The following PAPPA2 variants were observed in gnomAD, a reference collection of about 807,000 sequenced individuals.
The protein encoded by PAPPA2 is pappalysin-2.
In PAPPA2, 86 loss-of-function variants were observed where a neutral mutation model predicts 176.4. That is an observed-to-expected ratio of 0.49 (90% CI 0.41 to 0.58). The LOEUF is 0.58. Ranked by LOEUF, PAPPA2 falls within the 20% of genes least tolerant of loss-of-function variation. PAPPA2 has a pLI of 0.00. For missense variants in PAPPA2, 2,073 were observed against 2,256.9 expected (o/e 0.92, Z 1.65); for synonymous variants, 809 against 852.2 (o/e 0.95, Z 0.88).
chr1:176,726,869 T>C (rs572325661), intron 12 of PAPPA2, among the ~76,000 whole-genome samples: 101 of 152,286 alleles, frequency 6.6e-4, no homozygotes, highest in Non-Finnish European at 1.0e-3. Context: ...AAAAAGGAAG[T>C]TGAGCAGCCT....
intron 2 of PAPPA2, among the ~76,000 whole-genome samples, chr1:176,558,655 C>A (rs1305739940): frequency 6.6e-6 from 1 of 152,094 alleles, no homozygotes; most frequent in East Asian, 1.9e-4. Flanking sequence ...AATCCTTATT[C>A]TGGGGCCAAA....
chr1:176,521,624 A>G (rs1168599685), intron 1 of PAPPA2, among the ~76,000 whole-genome samples: 2 of 152,184 alleles, frequency 1.3e-5, no homozygotes, highest in African/African-American at 2.4e-5. Flanking sequence ...TGGAATTCCC[A>G]TATTTTGGAG....
chr1:176,494,178 G>A (rs909400652), intron 1 of PAPPA2, among the ~76,000 whole-genome samples: 8 of 152,152 alleles, frequency 5.3e-5, no homozygotes, highest in African/African-American at 1.7e-4. Context: ...TCTAAGGTGG[G>A]GAGTGGAGTC....
intron 3 of PAPPA2, among the ~76,000 whole-genome samples, chr1:176,632,522 C>T (rs1462903850): frequency 6.6e-6 from 1 of 151,818 alleles, no homozygotes; most frequent in Non-Finnish European, 1.5e-5. Context: ...GAGAGAAACT[C>T]CGTCTCAAAA....
chr1:176,744,688 G>A (rs1315105497), intron 14 of PAPPA2, among the ~76,000 whole-genome samples: 1 of 152,162 alleles, frequency 6.6e-6, no homozygotes, highest in East Asian at 1.9e-4. Context: ...CAGGGGCCAG[G>A]AAATGAAGAA....
chr1:176,624,919 A>G (rs183906756), intron 3 of PAPPA2, among the ~76,000 whole-genome samples: 1 of 152,270 alleles, frequency 6.6e-6, no homozygotes, highest in East Asian at 1.9e-4. Flanking sequence ...GAGTGGATGT[A>G]TAAGTGGGTG....
Position 176,701,198 on chromosome 1 carries a change from C to T in PAPPA2, c.3237-1409C>T, listed in dbSNP as rs1042051513. ...AAAATCCAATTTTTCAACTGGATCT[C>T]ATTTTGGTCCTCTTGCTTCAGTTAA... On this transcript the variant is annotated intron_variant, in intron 8 of 22. Transcript: ENST00000367662. 1.1e-4 allele frequency among the ~76,000 whole-genome samples: 16 copies of T among 152,148 alleles called. 1 individual carries two copies. The highest frequency in any genetic ancestry group is 9.8e-4 in the Admixed American group (15 of 15,272).
intron 22 of PAPPA2, 22 bp from the exon 23 acceptor site, chr1:176,842,358 T>A (rs1192503345): frequency 6.2e-7 from 1 of 1,604,696 alleles, no homozygotes; most frequent in African/African-American, 1.3e-5. Flanking sequence ...GAGCTATTTC[T>A]ACTTCCCTTT....
chr1:176,552,139 G>A (rs1178378540), intron 1 of PAPPA2, among the ~76,000 whole-genome samples: 1 of 151,968 alleles, frequency 6.6e-6, no homozygotes, highest in African/African-American at 2.4e-5. Flanking sequence ...AATCATCATG[G>A]ATCTAACTGC....
Position 176,699,164 on chromosome 1 carries a change from G to A in PAPPA2, c.2811G>A (p.Leu937=). The part of the protein sequence containing the change: ...SLQAWSPEVH[L]YHMNMTVPCP... ...AGGCCTGGAGCCCTGAGGTCCACCT[G>A]TACCACATGAACATGACGGTCCCCT... Residue 937 remains leucine, a synonymous_variant, in exon 8 of 23, where the codon CTG becomes CTA. Coordinates refer to ENST00000367662, the MANE Select transcript of PAPPA2 (RefSeq NM_020318.3). 3 of 1,614,102 alleles carry A rather than the reference G, an allele frequency of 1.9e-6. No homozygotes were observed. Among genetic ancestry groups the A allele is most frequent in the East Asian group, 2.2e-5 (1 of 44,874 alleles).
At chr1:176,739,874 T>A (rs140336935) in intron 13 of PAPPA2, 106 bp from the exon 14 acceptor site, 1 of 1,564,846 alleles carries the variant, frequency 6.4e-7, no homozygotes, top group East Asian at 2.2e-5. Context: ...ATCATACATC[T>A]AGGTTTTGGC....
At chr1:176,635,440 A>G (rs1573169060) in intron 3 of PAPPA2, among the ~76,000 whole-genome samples, 2 of 152,306 alleles carry the variant, frequency 1.3e-5, no homozygotes, top group South Asian at 4.1e-4. Flanking sequence ...AGGGTACCAC[A>G]GTGATGTGGT....
At chr1:176,549,101 C>G (rs1211027698) in intron 1 of PAPPA2, among the ~76,000 whole-genome samples, 2 of 152,168 alleles carry the variant, frequency 1.3e-5, no homozygotes, top group Non-Finnish European at 2.9e-5. Flanking sequence ...AAAAGCTGCT[C>G]TCATGTAAGT....
At chr1:176,655,714 G>A (rs1657995837) in intron 3 of PAPPA2, among the ~76,000 whole-genome samples, 1 of 151,798 alleles carries the variant, frequency 6.6e-6, no homozygotes, top group African/African-American at 2.4e-5. Flanking sequence ...TGGATGATAA[G>A]AAATTACTTA....
intron 3 of PAPPA2, among the ~76,000 whole-genome samples, chr1:176,665,284 A>G (rs1235212910): frequency 2.0e-5 from 3 of 152,146 alleles, no homozygotes; most frequent in Non-Finnish European, 2.9e-5. Context: ...TGCCTTTACA[A>G]TTCATGCCCA....
At chr1:176,833,630 G>T (rs1014719) in intron 21 of PAPPA2, among the ~76,000 whole-genome samples, 98,552 of 151,938 alleles carry the variant, frequency 0.65, 33,322 homozygotes, top group African/African-American at 0.85. Context: ...AATATTGTTA[G>T]GTTTTATCTA....
intron 1 of PAPPA2, among the ~76,000 whole-genome samples, chr1:176,496,747 C>A (rs142612758): frequency 6.6e-6 from 1 of 152,016 alleles, no homozygotes; most frequent in African/African-American, 2.4e-5. Context: ...ATGGGGAAGT[C>A]GAGAAAGGGA....
chr1:176,482,038 A>G (rs1410758152), intron 1 of PAPPA2, among the ~76,000 whole-genome samples: 3 of 152,202 alleles, frequency 2.0e-5, no homozygotes, highest in East Asian at 1.9e-4. Context: ...AAAAGGTTCT[A>G]TCTGTACACA....
intron 12 of PAPPA2, among the ~76,000 whole-genome samples, chr1:176,731,658 T>C (rs572905585): frequency 5.3e-5 from 8 of 150,668 alleles, no homozygotes; most frequent in African/African-American, 2.0e-4. Context: ...TATACATATG[T>C]GTGTGTGTAC....
Sources: allele counts gnomAD v4.1 joint callset (sites outside exome capture counted in the v4.1 genomes callset), GRCh38; gene constraint gnomAD v4.1.1; transcripts MANE v1.5; gene names NCBI Gene and HGNC (gene_info 2026-07-23, HGNC 2026-07-21).